The following BAHCC1 variants were observed in gnomAD, a reference collection of about 807,000 sequenced individuals.
BAHCC1 encodes BAH domain and coiled-coil containing 1, also known as BAH and coiled-coil domain-containing protein 1.
Under a neutral mutation model 88.2 loss-of-function variants are expected in BAHCC1, and 43 were observed. The ratio of observed to expected loss-of-function variants is 0.49; its 90% CI spans 0.38 to 0.63. The LOEUF (loss-of-function observed/expected upper bound fraction) is 0.63, where lower values mean the gene tolerates loss of function less well. Among genes scored for constraint, BAHCC1 ranks in the 20% least tolerant of loss-of-function variants. The pLI, the probability that BAHCC1 is intolerant of heterozygous loss-of-function variation, is 0.00. For synonymous variants in BAHCC1, 1,510 were observed against 745.5 expected, an observed-to-expected ratio of 2.03 and a Z score of -16.71; for missense variants, 3,023 against 1,654.8, an observed-to-expected ratio of 1.83 and a Z score of -14.34.
Position 81,443,530 on chromosome 17 carries a change from T to C in BAHCC1, c.2181T>C (p.Thr727=). The change falls in exon 5 of 28, where the codon ACT becomes ACC. Residue 727 remains threonine, a synonymous_variant. Transcript: ENST00000675386. ...SRSEAAYGTN[T]ARQGRAAPAF... ...CTGAGGCAGCCTACGGCACCAACAC[T>C]GCGCGGCAGGGCCGGGCCGCCCCCG... 1.5e-6 allele frequency: 1 copy of C among 666,072 alleles called. No homozygotes were observed. Among genetic ancestry groups the C allele is most frequent in the Middle Eastern group, 2.8e-4 (1 of 3,532 alleles). The allele number at this position is 666,072 out of a possible 1,614,324, so 41.3% of individuals were successfully genotyped here.
In BAHCC1 at chr17:81,464,698, G is replaced by A. The variant is rs564654438; in HGVS notation, c.*881G>A. On this transcript the variant is annotated 3_prime_UTR_variant, in exon 28 of 28. Coordinates refer to ENST00000675386, the MANE Select transcript of BAHCC1 (RefSeq NM_001377448.1). ...TAAAGTATTGATAAGAAAAAGCAAT[G>A]TTTGGATTGTATCTGCTGAATCATA... 1 of 152,678 alleles carries A rather than the reference G, an allele frequency of 6.5e-6. No individual in the cohort carries two copies. The highest frequency in any genetic ancestry group is 2.1e-4 in the South Asian group (1 of 4,830). 9.5% of individuals were successfully genotyped at this position (152,678 alleles called of 1,614,324 possible).
At chr17:81,418,788 C>CGTGTGTGTGTGT (rs1393659232) in intron 2 of BAHCC1, among the ~76,000 whole-genome samples, 5 of 4,270 alleles carry the variant, frequency 1.2e-3, no homozygotes, top group Non-Finnish European at 2.9e-3. Context: ...TGTGTGTGTA[C>CGTGTGTGTGTGT]GTGTGTGCGT....
At position 81,445,563 on chromosome 17, in the gene BAHCC1, G is replaced by C. The variant is rs374474112; in HGVS notation, c.3045G>C (p.Pro1015=). The C allele has an allele frequency of 1.5e-5, 11 of 722,564 alleles. No homozygotes were observed. Among genetic ancestry groups the C allele is most frequent in the Non-Finnish European group, 2.1e-5 (8 of 389,358 alleles). 44.8% of individuals were successfully genotyped at this position (722,564 alleles called of 1,614,324 possible). A position where few individuals can be genotyped will look rare whatever the true frequency, so the allele number is the denominator to read the frequency against. Residue 1015 remains proline (P), a synonymous_variant, in exon 10 of 28, where the codon CCG becomes CCC. Transcript: ENST00000675386. ...CCCCACCACCTCGGCCCAGCGCCCC[G>C]TGCACTTTAAATGTCTGCCCTGCCA... is the stretch of plus-strand genomic sequence containing the variant. ...SPTPPPRPSA[P]CTLNVCPASS...
intron 3 of BAHCC1, among the ~76,000 whole-genome samples, chr17:81,430,552 C>T (rs980673154): frequency 0.011 from 1,638 of 152,338 alleles, 31 homozygotes; most frequent in African/African-American, 0.038. Flanking sequence ...GCCAGCTGCT[C>T]CTCTGTCCCC....
At chr17:81,437,899 C>T (rs1295704653) in intron 3 of BAHCC1, among the ~76,000 whole-genome samples, 1 of 152,178 alleles carries the variant, frequency 6.6e-6, no homozygotes. Flanking sequence ...GGGAGGCTGG[C>T]CACACCCCAG....
At chr17:81,431,843 G>A (rs1227604280) in intron 3 of BAHCC1, among the ~76,000 whole-genome samples, 1 of 152,192 alleles carries the variant, frequency 6.6e-6, no homozygotes, top group Non-Finnish European at 1.5e-5. Context: ...TGCCCCGCAA[G>A]CTCCTGCTCT....
chr17:81,457,197 C>T (rs1488826215), intron 16 of BAHCC1, among the ~76,000 whole-genome samples: 1 of 152,132 alleles, frequency 6.6e-6, no homozygotes, highest in African/African-American at 2.4e-5. Context: ...GAAAAAAACA[C>T]CCCTCCCCAC....
chr17:81,405,759 C>G (rs546455502), intron 2 of BAHCC1, among the ~76,000 whole-genome samples: 1 of 152,294 alleles, frequency 6.6e-6, no homozygotes, highest in South Asian at 2.1e-4. Context: ...TCCTCCCTAC[C>G]ATAAATACCT....
chr17:81,444,886 C>T (rs1394092843), intron 8 of BAHCC1, 60 bp downstream of exon 8: 37 of 720,956 alleles, frequency 5.1e-5, no homozygotes, highest in Middle Eastern at 2.8e-4. Flanking sequence ...GAGGGGCAGC[C>T]GGGGGTGTGC....
At position 81,414,890 on chromosome 17, in the gene BAHCC1, C is replaced by T. The variant is rs115774900; in HGVS notation, c.179-11910C>T. Among the ~76,000 whole-genome samples, 563 of 152,294 alleles carry T rather than the reference C, an allele frequency of 3.7e-3. 6 individuals are homozygous for T. The highest frequency in any genetic ancestry group is 0.013 in the African/African-American group (540 of 41,556). ...GAAGTCCTGTGTGTTCCCTGGATCC[C>T]GGTGTGGTCTCCGTCTCCCACCCCG... On this transcript the variant is annotated intron_variant, in intron 2 of 27. Coordinates refer to ENST00000675386, the MANE Select transcript of BAHCC1 (RefSeq NM_001377448.1).
At chr17:81,462,643 C>A in intron 26 of BAHCC1, 97 bp from the exon 27 acceptor site, 1 of 661,108 alleles carries the variant, frequency 1.5e-6, no homozygotes. Flanking sequence ...CTCAGACTCA[C>A]ACTCACACCC....
chr17:81,399,485 G>C lies in BAHCC1; in HGVS notation c.-206-49G>C, dbSNP rs782072184. 5.3e-5 allele frequency: 12 copies of C among 227,452 alleles called. No homozygotes were observed. 14.1% of individuals were successfully genotyped at this position (227,452 alleles called of 1,614,324 possible). A position where few individuals can be genotyped will look rare whatever the true frequency, so the allele number is the denominator to read the frequency against. On this transcript the variant is annotated intron_variant, in intron 1 of 27. Coordinates refer to ENST00000675386, the MANE Select transcript of BAHCC1 (RefSeq NM_001377448.1). The surrounding 1 kb of genome is among the most constrained non-coding windows in gnomAD (Gnocchi z 4.5). ...GCGGGCGGGGCGGGGACCCCCGGGC[G>C]AGCCGAGCCCCCCAGTCACCCGTGT...
chr17:81,454,690 C>T (rs1270443154), intron 14 of BAHCC1, among the ~76,000 whole-genome samples: 6 of 152,190 alleles, frequency 3.9e-5, no homozygotes, highest in African/African-American at 1.4e-4. Flanking sequence ...GTATCAGGCC[C>T]TGAACACCCG....
chr17:81,463,501 G>C (rs1204150836), intron 27 of BAHCC1, 110 bp from the exon 28 acceptor site: 1 of 692,710 alleles, frequency 1.4e-6, no homozygotes, highest in Non-Finnish European at 2.7e-6. Context: ...CCACACAGAA[G>C]TCCATCCGGT....
In BAHCC1 at chr17:81,460,945, C is replaced by T; in HGVS notation, c.6282C>T (p.Pro2094=). The change falls in exon 26 of 28, where the codon CCC becomes CCT. Residue 2094 remains proline (P), a synonymous_variant. Coordinates refer to ENST00000675386, the MANE Select transcript of BAHCC1 (RefSeq NM_001377448.1). ...SDHFLGRRGS[P]LLSWSAVAQT... ...ACTTCCTGGGCCGCCGTGGCAGCCC[C>T]TTGCTGAGCTGGTCCGCGGTGGCGC... is the stretch of plus-strand genomic sequence containing the variant. The T allele has an allele frequency of 1.3e-6, 1 of 771,152 alleles. No individual in the cohort carries two copies. Among genetic ancestry groups the T allele is most frequent in the Non-Finnish European group, 2.4e-6 (1 of 417,856 alleles). 47.8% of individuals were successfully genotyped at this position (771,152 alleles called of 1,614,324 possible).
chr17:81,457,002 C>T (rs897789457), intron 16 of BAHCC1, among the ~76,000 whole-genome samples: 2 of 152,118 alleles, frequency 1.3e-5, no homozygotes, highest in South Asian at 2.1e-4. Context: ...TAGAAGCTTC[C>T]TTTCTTCTGC....
intron 2 of BAHCC1, among the ~76,000 whole-genome samples, chr17:81,404,015 G>A (rs559039954): frequency 3.0e-4 from 46 of 152,314 alleles, no homozygotes; most frequent in African/African-American, 8.4e-4. Flanking sequence ...AGAGAACGGC[G>A]TTGTGCAAAT....
chr17:81,446,932 C>T (rs2064539661), intron 10 of BAHCC1, 104 bp from the exon 11 acceptor site: 4 of 713,132 alleles, frequency 5.6e-6, no homozygotes, highest in South Asian at 1.5e-5. Flanking sequence ...CCCTTCCGCA[C>T]GGGCTTGGGT....
intron 10 of BAHCC1, chr17:81,446,740 G>A (rs1555654464): frequency 3.6e-6 from 2 of 562,784 alleles, no homozygotes; most frequent in Non-Finnish European, 6.8e-6. Context: ...TTTTGTAGTG[G>A]CACGTGCTCA....
Sources: gnomAD v4.1 joint callset for allele counts (sites outside exome capture counted in the v4.1 genomes callset) on GRCh38, gnomAD v4.1.1 for gene constraint, Gnocchi (gnomAD v3.1) non-coding constraint, MANE v1.5 for transcripts, NCBI Gene and HGNC (gene_info 2026-07-23, HGNC 2026-07-21) for gene names.